Variants in RIPOR3 observed in about 807,000 individuals in gnomAD.
RIPOR3 encodes family with sequence similarity 65 member C.
RIPOR3 carries 95 observed loss-of-function variants against 114.3 expected under a neutral mutation model. The observed-to-expected ratio is 0.83, with a 90% CI of 0.70 to 0.99. The LOEUF is 0.99. RIPOR3 is among the 50% of genes least tolerant of loss of function. The pLI is 0.00. For missense variants in RIPOR3, 1,252 were observed against 1,266.9 expected (o/e 0.99, Z 0.18); for synonymous variants, 575 against 543.8 (o/e 1.06, Z -0.80).
At chr20:50,619,042 C>A (rs1020449322) in intron 3 of RIPOR3, among the ~76,000 whole-genome samples, 1 of 152,154 alleles carries the variant, frequency 6.6e-6, no homozygotes, top group Non-Finnish European at 1.5e-5. Flanking sequence ...GAAACCCTAT[C>A]TCTACTAAAA....
chr20:50,686,902 C>T (rs1046150034), intron 1 of RIPOR3, among the ~76,000 whole-genome samples: 1 of 152,134 alleles, frequency 6.6e-6, no homozygotes, highest in Admixed American at 6.5e-5. Flanking sequence ...TATAAGAGAG[C>T]GGAACTTGAG....
chr20:50,606,791 G>A (rs1024151300), intron 11 of RIPOR3, among the ~76,000 whole-genome samples: 5 of 151,044 alleles, frequency 3.3e-5, no homozygotes, highest in Non-Finnish European at 5.9e-5. Context: ...GTGCGGTGGC[G>A]CCATCTTGGC....
intron 1 of RIPOR3, among the ~76,000 whole-genome samples, chr20:50,682,580 C>T (rs1381090822): frequency 7.5e-6 from 1 of 133,704 alleles, no homozygotes; most frequent in Non-Finnish European, 1.7e-5. Flanking sequence ...GCACTCCAGC[C>T]TGGGTGACAG....
rs768949028 is a variant in RIPOR3, at chr20:50,597,700, G to A, written c.1670C>T (p.Ala557Val). 23 of 1,612,064 alleles carry A rather than the reference G, an allele frequency of 1.4e-5. No homozygotes were observed. Among genetic ancestry groups the A allele is most frequent in the Non-Finnish European group, 1.8e-5 (21 of 1,179,236 alleles). Residue 557 changes from alanine (A) to valine (V), a missense_variant, in exon 14 of 22, where the codon GCA becomes GTA. Transcript: ENST00000327979. Reference sequence around the variant, plus strand: ...CTCGGCCGAGGTGTGCTCCTGCCGTGCTCTGCAGGGCTGTGGACGAAGTGG... The same window carrying A: ...CTCGGCCGAGGTGTGCTCCTGCCGTACTCTGCAGGGCTGTGGACGAAGTGG... Reference protein sequence around the residue: ...GFRDRLKPCRARQEHTSAESL... With the variant: ...GFRDRLKPCRVRQEHTSAESL...
chr20:50,589,576 G>A (rs758355610), intron 20 of RIPOR3, 110 bp downstream of exon 20: 38 of 1,172,382 alleles, frequency 3.2e-5, no homozygotes, highest in Non-Finnish European at 4.2e-5. Flanking sequence ...GATTACAGGC[G>A]TGAGCCATCA....
intron 1 of RIPOR3, among the ~76,000 whole-genome samples, chr20:50,645,251 T>C (rs2085359882): frequency 6.6e-6 from 1 of 152,058 alleles, no homozygotes; most frequent in Admixed American, 6.5e-5. Context: ...GGCCAAAAGC[T>C]CGCTACCCCT....
chr20:50,667,042 C>A (rs2086271824), intron 1 of RIPOR3, among the ~76,000 whole-genome samples: 1 of 152,132 alleles, frequency 6.6e-6, no homozygotes, highest in Non-Finnish European at 1.5e-5. Context: ...ACAAAGCTTT[C>A]CTGAATGCCT....
intron 8 of RIPOR3, among the ~76,000 whole-genome samples, 165 bp downstream of exon 8, chr20:50,609,128 C>T (rs1407956725): frequency 6.6e-6 from 1 of 152,190 alleles, no homozygotes; most frequent in Non-Finnish European, 1.5e-5. Context: ...GGCCCTCACA[C>T]CAGGCTCAGA....
At position 50,609,371 on chromosome 20, in the gene RIPOR3, A is replaced by C; in HGVS notation, c.577-15T>G. Reference sequence around the variant, plus strand: ...AGCCACATGTCCTGCAAAGCCCCGGAGGTGGCTCAGCTGGCTGCCTGGGGC... The same window carrying C: ...AGCCACATGTCCTGCAAAGCCCCGGCGGTGGCTCAGCTGGCTGCCTGGGGC... On this transcript the variant is annotated splice_polypyrimidine_tract_variant and intron_variant, in intron 7 of 21. Coordinates refer to ENST00000327979, the MANE Select transcript of RIPOR3 (RefSeq NM_001290268.2). 1 of 1,612,138 alleles carries C rather than the reference A, an allele frequency of 6.2e-7. No homozygotes were observed. Among genetic ancestry groups the C allele is most frequent in the South Asian group, 1.1e-5 (1 of 90,762 alleles).
chr20:50,586,263 C>G lies in RIPOR3; in HGVS notation c.*969G>C, dbSNP rs564165946. ...AAGTTAAAGTTCTCCAATGCCATTG[C>G]TACAGCAACCTCAAACCCTAGGTTC... On this transcript the variant is annotated 3_prime_UTR_variant, in exon 22 of 22. Coordinates refer to ENST00000327979, the MANE Select transcript of RIPOR3 (RefSeq NM_001290268.2). 27 of 153,804 alleles carry G rather than the reference C, an allele frequency of 1.8e-4. No individual in the cohort carries two copies. Among genetic ancestry groups the G allele is most frequent in the South Asian group, 8.1e-4 (4 of 4,964 alleles). The allele number at this position is 153,804 out of a possible 1,614,324, so 9.5% of individuals were successfully genotyped here.
At chr20:50,616,245 G>T (rs2084168732) in intron 3 of RIPOR3, among the ~76,000 whole-genome samples, 165 bp from the exon 4 acceptor site, 1 of 152,192 alleles carries the variant, frequency 6.6e-6, no homozygotes, top group South Asian at 2.1e-4. Flanking sequence ...TGTGTGCCCA[G>T]CACCACACAA....
At chr20:50,632,339 C>T (rs8123246) in intron 1 of RIPOR3, among the ~76,000 whole-genome samples, 5,888 of 152,230 alleles carry the variant, frequency 0.039, 401 homozygotes, top group African/African-American at 0.14. Context: ...GCTGGAAGGA[C>T]CAAGGAAAGC....
rs796904450 is a variant in RIPOR3 at position 50,667,206 on chromosome 20, A to C, written c.3+23920T>G. ...CCCACTTAAATGGACTGAAACCTCC[A>C]CCCCATCCCCAAACGAGCCTCCCTG... On this transcript the variant is annotated intron_variant, in intron 1 of 21. Coordinates refer to ENST00000327979, the MANE Select transcript of RIPOR3 (RefSeq NM_001290268.2). Among the ~76,000 whole-genome samples the C allele has an allele frequency of 9.2e-3, 1,283 of 139,894 alleles. 16 individuals carry two copies. The highest frequency in any genetic ancestry group is 0.033 in the African/African-American group (1,216 of 37,100). The allele number at this position is 139,894 out of a possible 152,430, so 91.8% of individuals were successfully genotyped here.
At chr20:50,625,660 G>T (rs774155607) in intron 2 of RIPOR3, among the ~76,000 whole-genome samples, 1 of 152,118 alleles carries the variant, frequency 6.6e-6, no homozygotes, top group Non-Finnish European at 1.5e-5. Context: ...CTCCTGGCTC[G>T]GGGAGTACCT....
At chr20:50,609,789 C>T in intron 6 of RIPOR3, 67 bp from the exon 7 acceptor site, 1 of 1,351,044 alleles carries the variant, frequency 7.4e-7, no homozygotes, top group Non-Finnish European at 9.5e-7. Context: ...TGCCTGTCGA[C>T]TTCTCCTCTC....
intron 19 of RIPOR3, among the ~76,000 whole-genome samples, chr20:50,590,933 A>T (rs753655608): frequency 6.6e-6 from 1 of 151,040 alleles, no homozygotes; most frequent in Non-Finnish European, 1.5e-5. Context: ...ATATACCCCC[A>T]TACCCAAAAA....
chr20:50,604,551 T>C (rs1190529935), intron 12 of RIPOR3, 94 bp downstream of exon 12: 1 of 1,456,722 alleles, frequency 6.9e-7, no homozygotes, highest in Non-Finnish European at 9.1e-7. Flanking sequence ...AGGCTTGCCA[T>C]GTCTGGGAGG....
intron 1 of RIPOR3, among the ~76,000 whole-genome samples, chr20:50,666,567 T>C: frequency 6.8e-6 from 1 of 146,462 alleles, no homozygotes. Context: ...TTTTTGTTGT[T>C]GTTTGTTGTT....
intron 1 of RIPOR3, among the ~76,000 whole-genome samples, chr20:50,641,987 G>T (rs112399960): frequency 0.16 from 24,039 of 151,896 alleles, 2,023 homozygotes; most frequent in African/African-American, 0.21. Context: ...GTGTGTTTGC[G>T]CCATGGCAGT....
Sources: allele counts gnomAD v4.1 joint callset (sites outside exome capture counted in the v4.1 genomes callset), GRCh38; gene constraint gnomAD v4.1.1; transcripts MANE v1.5; gene names NCBI Gene and HGNC (gene_info 2026-07-23, HGNC 2026-07-21).